The following STK35 variants were observed in gnomAD, a reference collection of about 807,000 sequenced individuals.
The protein encoded by STK35 is serine/threonine kinase 35.
STK35 carries 17 observed loss-of-function variants against 37.3 expected under a neutral mutation model. That is an observed-to-expected ratio of 0.46 (90% CI 0.31 to 0.68). The LOEUF (loss-of-function observed/expected upper bound fraction) is 0.68, where lower values mean the gene tolerates loss of function less well. Among genes scored for constraint, STK35 ranks in the 30% least tolerant of loss-of-function variants. STK35 has a pLI of 0.05. For missense variants in STK35, 595 were observed against 746.7 expected (o/e 0.80, Z 2.37); for synonymous variants, 385 against 319.1 (o/e 1.21, Z -2.20).
chr20:2,126,182 G>A (rs1985902358), intron 3 of STK35, among the ~76,000 whole-genome samples: 1 of 152,216 alleles, frequency 6.6e-6, no homozygotes, highest in African/African-American at 2.4e-5. Flanking sequence ...CCATAGCCCT[G>A]TGTCGAAAGA....
intron 2 of STK35, among the ~76,000 whole-genome samples, chr20:2,111,333 A>G (rs912188660): frequency 6.6e-6 from 1 of 152,238 alleles, no homozygotes; most frequent in African/African-American, 2.4e-5. Flanking sequence ...TCAGCAGCCT[A>G]TATGGCTTAC....
At chr20:2,133,987 C>T (rs1259169814) in intron 3 of STK35, among the ~76,000 whole-genome samples, 1 of 152,126 alleles carries the variant, frequency 6.6e-6, no homozygotes, top group African/African-American at 2.4e-5. Flanking sequence ...ATGGGCCTGC[C>T]ACTTGTTGCT....
intron 3 of STK35, among the ~76,000 whole-genome samples, chr20:2,139,338 G>A (rs1298240002): frequency 6.6e-6 from 1 of 152,186 alleles, no homozygotes; most frequent in Non-Finnish European, 1.5e-5. Context: ...TCACTGCCTG[G>A]TTGGCACCAT....
intron 3 of STK35, among the ~76,000 whole-genome samples, chr20:2,142,512 T>G (rs1319338762): frequency 6.6e-6 from 1 of 152,156 alleles, no homozygotes; most frequent in Non-Finnish European, 1.5e-5. Flanking sequence ...TAAAAACTCC[T>G]AGATGGGCCA....
chr20:2,114,684 A>AT (rs1436086104), intron 2 of STK35, among the ~76,000 whole-genome samples: 1 of 151,812 alleles, frequency 6.6e-6, no homozygotes, highest in Non-Finnish European at 1.5e-5. Flanking sequence ...TTTTTTTACC[A>AT]TTTTTTCTTT....
At chr20:2,102,311 A>T in intron 1 of STK35, 136 bp downstream of exon 1, 1 of 1,206,874 alleles carries the variant, frequency 8.3e-7, no homozygotes, top group South Asian at 1.8e-5. Flanking sequence ...AATCCCTTCT[A>T]CCCGTCGCCC....
chr20:2,126,248 T>TG lies in STK35; in HGVS notation c.*37+8834dup, dbSNP rs545399982. ...GTAGGCACTTGCCCAGTGGAGGCATTGATTGTTTAGACCCCAATATGGTCT... is the reference window on the plus strand; with the variant it reads ...GTAGGCACTTGCCCAGTGGAGGCATTGGATTGTTTAGACCCCAATATGGTCT... On this transcript the variant is annotated intron_variant, in intron 3 of 3. Coordinates refer to ENST00000381482, the MANE Select transcript of STK35 (RefSeq NM_080836.4). Among the ~76,000 whole-genome samples, 51 of 152,280 alleles carry TG rather than the reference T, an allele frequency of 3.3e-4. No homozygotes were observed. The South Asian group carries it at 6.6e-3, about 20-fold the overall frequency.
chr20:2,111,211 A>G (rs1985611372), intron 2 of STK35, among the ~76,000 whole-genome samples: 1 of 152,046 alleles, frequency 6.6e-6, no homozygotes, highest in Non-Finnish European at 1.5e-5. Flanking sequence ...CCCATCGCCA[A>G]CCCCTCATGC....
intron 2 of STK35, among the ~76,000 whole-genome samples, chr20:2,113,422 G>C (rs1985656407): frequency 6.6e-6 from 1 of 152,206 alleles, no homozygotes; most frequent in Non-Finnish European, 1.5e-5. Context: ...GTGAGTATAA[G>C]ATAGACTGGT....
In STK35 at chr20:2,131,874, G is replaced by A. The variant is rs140238565; in HGVS notation, c.*38-11910G>A. ...GCTGGGCTTACAAGCCTGAGCCACC[G>A]TGCCTGGCCCTTCTTTCTTCATATC... On this transcript the variant is annotated intron_variant, in intron 3 of 3. Transcript: ENST00000381482. 4.1e-3 allele frequency among the ~76,000 whole-genome samples: 619 copies of A among 152,152 alleles called. 4 individuals are homozygous for A. The highest frequency in any genetic ancestry group is 0.013 in the African/African-American group (555 of 41,506).
At chr20:2,125,109 G>A (rs61194549) in intron 3 of STK35, among the ~76,000 whole-genome samples, 1,619 of 152,288 alleles carry the variant, frequency 0.011, 25 homozygotes, top group African/African-American at 0.034. Context: ...GGCCTCCTTG[G>A]TGCCACCTAA....
intron 3 of STK35, among the ~76,000 whole-genome samples, chr20:2,135,012 C>T (rs1986062374): frequency 1.3e-5 from 2 of 152,178 alleles, no homozygotes; most frequent in Admixed American, 1.3e-4. Context: ...CCTGTGCTGG[C>T]CCCAGGTCCT....
In STK35 at chr20:2,101,873, TCC is replaced by T; in HGVS notation, c.-7_-6del. 3 of 1,413,326 alleles carry T rather than the reference TCC, an allele frequency of 2.1e-6. No individual in the cohort carries two copies. The highest frequency in any genetic ancestry group is 2.8e-6 in the Non-Finnish European group (3 of 1,081,116). 87.5% of individuals were successfully genotyped at this position (1,413,326 alleles called of 1,614,324 possible). On this transcript the variant is annotated 5_prime_UTR_variant, in exon 1 of 4. Coordinates refer to ENST00000381482, the MANE Select transcript of STK35 (RefSeq NM_080836.4). ...CGGTGCAGGGCTCACTCGGCTGGCG[TCC>T]CGGGGGATGGGCCACCAGGAGTCTC...
At chr20:2,110,470 C>T (rs184793148) in intron 2 of STK35, among the ~76,000 whole-genome samples, 62 of 152,302 alleles carry the variant, frequency 4.1e-4, no homozygotes, top group Non-Finnish European at 5.3e-4. Flanking sequence ...GTTACTCATT[C>T]TCATTCTTGG....
intron 3 of STK35, among the ~76,000 whole-genome samples, chr20:2,120,594 G>C (rs557858020): frequency 2.0e-5 from 3 of 152,318 alleles, no homozygotes; most frequent in Admixed American, 6.5e-5. Flanking sequence ...CAGAGAATCT[G>C]AGGCTTGACT....
At position 2,114,802 on chromosome 20, in the gene STK35, T is replaced by C. The variant is rs6046859; in HGVS notation, c.893-1864T>C. Among the ~76,000 whole-genome samples, 462 of 152,358 alleles carry C rather than the reference T, an allele frequency of 3.0e-3. 2 individuals carry two copies. Among genetic ancestry groups the C allele is most frequent in the African/African-American group, 9.7e-3 (404 of 41,590 alleles). On this transcript the variant is annotated intron_variant, in intron 2 of 3. Transcript: ENST00000381482. ...AACTTTGTATATAAAATAACCATCATTCCTCTTCCTTTATTCCCCCACCAG... is the reference window on the plus strand; with the variant it reads ...AACTTTGTATATAAAATAACCATCACTCCTCTTCCTTTATTCCCCCACCAG...
chr20:2,120,004 G>A (rs945480851), intron 3 of STK35, among the ~76,000 whole-genome samples: 2 of 152,234 alleles, frequency 1.3e-5, no homozygotes, highest in African/African-American at 4.8e-5. Flanking sequence ...TAGGAGAACA[G>A]CAGTCCCCAA....
chr20:2,128,806 G>A (rs1405028001), intron 3 of STK35, among the ~76,000 whole-genome samples: 1 of 152,094 alleles, frequency 6.6e-6, no homozygotes, highest in African/African-American at 2.4e-5. Flanking sequence ...GAAGCCCCCC[G>A]AGGTACAGGT....
At chr20:2,105,171 A>G (rs1487262165) in intron 2 of STK35, among the ~76,000 whole-genome samples, 1 of 151,796 alleles carries the variant, frequency 6.6e-6, no homozygotes, top group Admixed American at 6.6e-5. Context: ...AAAAAAAAAA[A>G]AGACTCCCTA....
Sources: gnomAD v4.1 joint callset for allele counts (sites outside exome capture counted in the v4.1 genomes callset) on GRCh38, gnomAD v4.1.1 for gene constraint, MANE v1.5 for transcripts, NCBI Gene and HGNC (gene_info 2026-07-23, HGNC 2026-07-21) for gene names.